CGRRF1: variants seen among roughly 807,000 people sequenced by gnomAD.
The protein encoded by CGRRF1 is cell growth regulator with RING finger domain protein 1.
Under a neutral mutation model 37.2 loss-of-function variants are expected in CGRRF1, and 32 were observed. The ratio of observed to expected loss-of-function variants is 0.86; its 90% CI spans 0.65 to 1.16. The LOEUF (loss-of-function observed/expected upper bound fraction) is 1.16. CGRRF1 is among the 50% of genes most tolerant of loss of function. The pLI is 0.00. For synonymous variants in CGRRF1, 141 were observed against 140.3 expected (o/e 1.00, Z -0.04); for missense variants, 391 against 382.6 (o/e 1.02, Z -0.18).
intron 1 of CGRRF1, among the ~76,000 whole-genome samples, chr14:54,513,618 AATGTTATGTTATGTT>A (rs1194908641): frequency 1.7e-5 from 1 of 59,480 alleles, no homozygotes; most frequent in African/African-American, 5.2e-5. Flanking sequence ...TATGTTATGT[AATGTTATGTTATGTT>A]ATGTTATTTT....
intron 2 of CGRRF1, among the ~76,000 whole-genome samples, chr14:54,526,727 G>A (rs2032417705): frequency 6.6e-6 from 1 of 152,066 alleles, no homozygotes; most frequent in African/African-American, 2.4e-5. Context: ...TATTCACTCT[G>A]GTAAGAGCTA....
chr14:54,529,875 C>G (rs563070544), intron 2 of CGRRF1, among the ~76,000 whole-genome samples, 174 bp from the exon 3 acceptor site: 4 of 152,246 alleles, frequency 2.6e-5, no homozygotes, highest in African/African-American at 9.6e-5. Context: ...GCTTTTATAT[C>G]TCTTGTTACA....
intron 1 of CGRRF1, among the ~76,000 whole-genome samples, chr14:54,513,693 T>C (rs115754407): frequency 0.023 from 3,460 of 152,162 alleles, 95 homozygotes; most frequent in East Asian, 0.096. Context: ...GTGGCATGAT[T>C]TTGGCTCACT....
chr14:54,524,719 TC>T (rs2032383661), intron 2 of CGRRF1, among the ~76,000 whole-genome samples: 1 of 152,070 alleles, frequency 6.6e-6, no homozygotes, highest in South Asian at 2.1e-4. Flanking sequence ...TTCTTATTCA[TC>T]CTCTTTAGCT....
chr14:54,527,660 CTTTTT>C (rs965603271), intron 2 of CGRRF1, among the ~76,000 whole-genome samples: 1 of 150,140 alleles, frequency 6.7e-6, no homozygotes, highest in African/African-American at 2.5e-5. Context: ...GGGGCTCTGG[CTTTTT>C]TTTTCTTTTT....
chr14:54,519,786 ATT>A (rs924590246), intron 1 of CGRRF1, among the ~76,000 whole-genome samples: 8 of 152,176 alleles, frequency 5.3e-5, no homozygotes, highest in African/African-American at 1.7e-4. Context: ...CCATAAAGGT[ATT>A]TGTTCCCAGC....
chr14:54,524,402 T>TTC (rs1555329299), intron 2 of CGRRF1, among the ~76,000 whole-genome samples: 14 of 151,350 alleles, frequency 9.3e-5, no homozygotes, highest in African/African-American at 3.4e-4. Context: ...TTTTTTTTTT[T>TTC]CGAGACAGGC....
Position 54,538,236 on chromosome 14 carries a change from G to A in CGRRF1, c.852G>A (p.Trp284Ter). Reference protein sequence around the residue: ...CVVCQNGTVNWVLLPCRHTCL... With the variant: ...CVVCQNGTVN ...TTTGCCAGAATGGGACTGTGAACTG[G>A]GTACTCTTACCATGCAGACACACAT... The change falls in exon 6 of 6, where the codon TGG (tryptophan) becomes TGA (stop). Residue 284 changes from tryptophan (W) to a stop codon, truncating the protein, a stop_gained. Coordinates refer to ENST00000216420, the MANE Select transcript of CGRRF1 (RefSeq NM_006568.3). LOFTEE classifies it high-confidence loss of function. The A allele has an allele frequency of 1.9e-6, 3 of 1,614,132 alleles. No homozygotes were observed. The highest frequency in any genetic ancestry group is 2.5e-6 in the Non-Finnish European group (3 of 1,180,020).
Position 54,538,121 on chromosome 14 carries a change from A to T in CGRRF1, c.737A>T (p.Glu246Val). The part of the protein sequence containing the change: ...FTPSNNSSSE[E>V]KNTDRSLLEK... ...CCCTCCAACAATTCCTCTTCAGAAG[A>T]AAAAAACACAGACAGAAGTTTGTTG... Residue 246 changes from glutamate to valine, a missense_variant, in exon 6 of 6, where the codon GAA becomes GTA. Transcript: ENST00000216420. 6.2e-7 allele frequency: 1 copy of T among 1,614,010 alleles called. No individual in the cohort carries two copies. The highest frequency in any genetic ancestry group is 1.1e-5 in the South Asian group (1 of 91,042).
Position 54,522,645 on chromosome 14 carries a change from A to T in CGRRF1, c.244+52A>T, listed in dbSNP as rs1360593477. On this transcript the variant is annotated intron_variant, in intron 2 of 5. Transcript: ENST00000216420. ...CTCTCATTGTTTGCCCTCTTTTTTT[A>T]GCCCTTTTATTTTCTTTCTCTATTT... 2.7e-6 allele frequency: 4 copies of T among 1,500,430 alleles called. No homozygotes were observed. In the South Asian group the frequency reaches 5.1e-5, roughly 19 times the overall value. The allele number at this position is 1,500,430 out of a possible 1,614,324, so 92.9% of individuals were successfully genotyped here.
intron 2 of CGRRF1, among the ~76,000 whole-genome samples, chr14:54,525,101 C>T (rs2032390889): frequency 6.6e-6 from 1 of 152,114 alleles, no homozygotes; most frequent in Non-Finnish European, 1.5e-5. Flanking sequence ...AATAACCTCC[C>T]ACCTCTGTGG....
chr14:54,510,046 C>T lies in CGRRF1; in HGVS notation c.87C>T (p.Thr29=), dbSNP rs761725886. ...TCTTTACCTGCTTCATCGTGACCACCGGCCTGGTATTGGGATGGTAAGTGT... is the reference window on the plus strand; with the variant it reads ...TCTTTACCTGCTTCATCGTGACCACTGGCCTGGTATTGGGATGGTAAGTGT... The part of the protein sequence containing the change: ...AVVFTCFIVT[T]GLVLGWFGWD... Residue 29 remains threonine, a synonymous_variant, in exon 1 of 6, where the codon ACC becomes ACT. Transcript: ENST00000216420. The T allele has an allele frequency of 4.3e-6, 7 of 1,612,232 alleles. No homozygotes were observed. The highest frequency in any genetic ancestry group is 5.9e-6 in the Non-Finnish European group (7 of 1,178,324).
At position 54,538,242 on chromosome 14, in the gene CGRRF1, C is replaced by T; in HGVS notation, c.858C>T (p.Leu286=). 1.2e-6 allele frequency: 2 copies of T among 1,614,200 alleles called. No homozygotes were observed. Among genetic ancestry groups the T allele is most frequent in the Non-Finnish European group, 8.5e-7 (1 of 1,180,030 alleles). The stretch of plus-strand genomic sequence containing the variant: ...AGAATGGGACTGTGAACTGGGTACT[C>T]TTACCATGCAGACACACATGCCTGT... The part of the protein sequence containing the change: ...VCQNGTVNWV[L]LPCRHTCLCD... Residue 286 remains leucine (L), a synonymous_variant, in exon 6 of 6, where the codon CTC becomes CTT. Coordinates refer to ENST00000216420, the MANE Select transcript of CGRRF1 (RefSeq NM_006568.3).
chr14:54,531,003 GCGCTATTGA>G lies in CGRRF1; in HGVS notation c.525_533del (p.Leu177_Leu179del). 1 of 1,612,982 alleles carries G rather than the reference GCGCTATTGA, an allele frequency of 6.2e-7. No individual in the cohort carries two copies. Among genetic ancestry groups the G allele is most frequent in the South Asian group, 1.1e-5 (1 of 91,012 alleles). Reference sequence around the variant, plus strand: ...ACCCAGATCTCGCTATCCATTGGTAGCGCTATTGACCTTAGCTGATGAGGATGACCGGGA... The same window carrying G: ...ACCCAGATCTCGCTATCCATTGGTAGCCTTAGCTGATGAGGATGACCGGGA... On this transcript the variant is annotated inframe_deletion, in exon 4 of 6. Coordinates refer to ENST00000216420, the MANE Select transcript of CGRRF1 (RefSeq NM_006568.3).
chr14:54,533,819 T>C (rs2032558793), intron 4 of CGRRF1, among the ~76,000 whole-genome samples: 1 of 152,010 alleles, frequency 6.6e-6, no homozygotes. Flanking sequence ...ATTATTCAAA[T>C]AATACATTTG....
At chr14:54,524,074 C>T (rs1250963672) in intron 2 of CGRRF1, among the ~76,000 whole-genome samples, 2 of 152,152 alleles carry the variant, frequency 1.3e-5, no homozygotes, top group Non-Finnish European at 2.9e-5. Context: ...TCTGACTTTT[C>T]CCTGTATCCC....
chr14:54,510,411 G>A (rs974175322), intron 1 of CGRRF1: 6 of 327,932 alleles, frequency 1.8e-5, no homozygotes, highest in African/African-American at 1.3e-4. Flanking sequence ...CTTCTGTCCC[G>A]GATTCGGGCC....
chr14:54,515,645 C>T lies in CGRRF1; in HGVS notation c.104+5582C>T, dbSNP rs146742132. 1.9e-4 allele frequency among the ~76,000 whole-genome samples: 29 copies of T among 152,198 alleles called. No homozygotes were observed. The East Asian group carries it at 5.2e-3, about 27-fold the overall frequency. Reference sequence around the variant, plus strand: ...TTATTTTGTGTGCATGATGAATTGACCCTTATATCACTATGAAATGGACCT... The same window carrying T: ...TTATTTTGTGTGCATGATGAATTGATCCTTATATCACTATGAAATGGACCT... On this transcript the variant is annotated intron_variant, in intron 1 of 5. Transcript: ENST00000216420.
At chr14:54,521,390 G>A (rs1183519586) in intron 1 of CGRRF1, among the ~76,000 whole-genome samples, 1 of 151,632 alleles carries the variant, frequency 6.6e-6, no homozygotes, top group Non-Finnish European at 1.5e-5. Context: ...TAACCCGGGA[G>A]GCAGAGGTTA....
Sources: allele counts gnomAD v4.1 joint callset (sites outside exome capture counted in the v4.1 genomes callset), GRCh38; gene constraint gnomAD v4.1.1; transcripts MANE v1.5; gene names NCBI Gene and HGNC (gene_info 2026-07-23, HGNC 2026-07-21).